The following PPP1R15B variants were observed in gnomAD, a reference collection of about 807,000 sequenced individuals.
The protein encoded by PPP1R15B is protein phosphatase 1 regulatory subunit 15B.
Under a neutral mutation model 53.9 loss-of-function variants are expected in PPP1R15B, and 31 were observed. That is an observed-to-expected ratio of 0.58 (90% CI 0.43 to 0.78). The LOEUF (loss-of-function observed/expected upper bound fraction) is 0.78. Ranked by LOEUF, PPP1R15B falls within the 30% of genes least tolerant of loss-of-function variation. The pLI, the probability that PPP1R15B is intolerant of heterozygous loss-of-function variation, is 0.00. For synonymous variants in PPP1R15B, 345 were observed against 329.1 expected (o/e 1.05, Z -0.52); for missense variants, 928 against 849.6 (o/e 1.09, Z -1.15).
In PPP1R15B at chr1:204,411,083, TTCAGGGCTC is replaced by T. The variant is rs747873006; in HGVS notation, c.320_328del (p.Arg107_Leu109del). 19 of 1,614,180 alleles carry T rather than the reference TTCAGGGCTC, an allele frequency of 1.2e-5. No individual in the cohort carries two copies. The South Asian group carries it at 2.1e-4, about 18-fold the overall frequency. On this transcript the variant is annotated inframe_deletion, in exon 1 of 2. Coordinates refer to ENST00000367188, the MANE Select transcript of PPP1R15B (RefSeq NM_032833.5). ...GGGGGCGGCTGGTTTCTCCCGTCCCTTCAGGGCTCTCAGGGCGCTGTAGACTCCAGCAAA... is the reference window on the plus strand; with the variant it reads ...GGGGGCGGCTGGTTTCTCCCGTCCCTTCAGGGCGCTGTAGACTCCAGCAAA...
At position 204,405,952 on chromosome 1, in the gene PPP1R15B, A is replaced by C; in HGVS notation, c.*140T>G. ...AATGTTTCTGAGTGGGATATGTTGCAAAAAAAAAAATTAAACTAGATCCAA... is the reference window on the plus strand; with the variant it reads ...AATGTTTCTGAGTGGGATATGTTGCCAAAAAAAAAATTAAACTAGATCCAA... On this transcript the variant is annotated 3_prime_UTR_variant, in exon 2 of 2. Coordinates refer to ENST00000367188, the MANE Select transcript of PPP1R15B (RefSeq NM_032833.5). The C allele has an allele frequency of 2.1e-6, 2 of 972,524 alleles. No individual in the cohort carries two copies. Among genetic ancestry groups the C allele is most frequent in the Admixed American group, 3.9e-5 (1 of 25,448 alleles). 60.2% of individuals were successfully genotyped at this position (972,524 alleles called of 1,614,324 possible).
intron 1 of PPP1R15B, among the ~76,000 whole-genome samples, chr1:204,406,534 G>C (rs1436919814): frequency 6.6e-6 from 1 of 152,142 alleles, no homozygotes; most frequent in Non-Finnish European, 1.5e-5. Flanking sequence ...CGGATCACCT[G>C]AGGTCAGGAG....
Position 204,404,005 on chromosome 1 carries a change from T to C in PPP1R15B, c.*2087A>G. 2.0e-6 allele frequency: 2 copies of C among 985,396 alleles called. No individual in the cohort carries two copies. The highest frequency in any genetic ancestry group is 2.4e-6 in the Non-Finnish European group (2 of 829,908). The allele number at this position is 985,396 out of a possible 1,614,324, so 61.0% of individuals were successfully genotyped here. ...TTTCAAATACACAGAGGTGCTAGGT[T>C]TAAGAAACAGGAAACACAACGTTAA... On this transcript the variant is annotated 3_prime_UTR_variant, in exon 2 of 2. Coordinates refer to ENST00000367188, the MANE Select transcript of PPP1R15B (RefSeq NM_032833.5).
Position 204,405,357 on chromosome 1 carries a change from G to A in PPP1R15B, c.*735C>T, listed in dbSNP as rs1048691191. The A allele has an allele frequency of 2.1e-5, 21 of 984,034 alleles. No homozygotes were observed. In the African/African-American group the frequency reaches 3.7e-4, roughly 17 times the overall value. 61.0% of individuals were successfully genotyped at this position (984,034 alleles called of 1,614,324 possible). A position where few individuals can be genotyped will look rare whatever the true frequency, so the allele number is the denominator to read the frequency against. On this transcript the variant is annotated 3_prime_UTR_variant, in exon 2 of 2. Coordinates refer to ENST00000367188, the MANE Select transcript of PPP1R15B (RefSeq NM_032833.5). The stretch of plus-strand genomic sequence containing the variant: ...TAACGTACACAGAACCCTCTTCAAA[G>A]AAATTAAATATATTAGATGTTAAAA...
intron 1 of PPP1R15B, among the ~76,000 whole-genome samples, chr1:204,407,122 T>C (rs1012254475): frequency 6.6e-6 from 1 of 152,250 alleles, no homozygotes; most frequent in African/African-American, 2.4e-5. Flanking sequence ...GCTTTAACAA[T>C]ATTTTTGCTT....
intron 1 of PPP1R15B, among the ~76,000 whole-genome samples, chr1:204,407,866 T>C (rs1674293111): frequency 6.6e-6 from 1 of 152,178 alleles, no homozygotes; most frequent in Admixed American, 6.5e-5. Context: ...TCCCCATATA[T>C]ACCAATGGCA....
intron 1 of PPP1R15B, among the ~76,000 whole-genome samples, chr1:204,408,990 C>G (rs973689926): frequency 1.3e-5 from 2 of 152,176 alleles, no homozygotes; most frequent in Non-Finnish European, 2.9e-5. Context: ...ATAAATCTGA[C>G]TTGCTACTTG....
rs758181086 is a variant in PPP1R15B, at chr1:204,409,854, G to C, written c.1558C>G (p.Leu520Val). 13 of 1,614,000 alleles carry C rather than the reference G, an allele frequency of 8.1e-6. No individual in the cohort carries two copies. The highest frequency in any genetic ancestry group is 6.7e-5 in the Admixed American group (4 of 59,998). The change falls in exon 1 of 2, where the codon CTA becomes GTA. Residue 520 changes from leucine to valine, a missense_variant. By Grantham distance (32) the Leu-to-Val change is conservative. Transcript: ENST00000367188. The part of the protein sequence containing the change: ...SEKDLSGKSD[L>V]ENSSQSGSLP... Reference sequence around the variant, plus strand: ...CTTCCAGACTGGGAGGAATTCTCTAGATCAGACTTGCCAGACAAATCCTTC... The same window carrying C: ...CTTCCAGACTGGGAGGAATTCTCTACATCAGACTTGCCAGACAAATCCTTC...
chr1:204,405,913 T>C lies in PPP1R15B; in HGVS notation c.*179A>G. ...CTAGTTCATCCTTCATTATCAGGGC[T>C]GGCTTCAAACCTGAATGTTTCTGAG... On this transcript the variant is annotated 3_prime_UTR_variant, in exon 2 of 2. Coordinates refer to ENST00000367188, the MANE Select transcript of PPP1R15B (RefSeq NM_032833.5). The C allele has an allele frequency of 3.6e-6, 5 of 1,400,734 alleles. No homozygotes were observed. The highest frequency in any genetic ancestry group is 4.6e-6 in the Non-Finnish European group (5 of 1,079,924). The allele number at this position is 1,400,734 out of a possible 1,614,324, so 86.8% of individuals were successfully genotyped here.
At position 204,405,942 on chromosome 1, in the gene PPP1R15B, G is replaced by A; in HGVS notation, c.*150C>T. 7.0e-7 allele frequency: 1 copy of A among 1,427,442 alleles called. No individual in the cohort carries two copies. Among genetic ancestry groups the A allele is most frequent in the East Asian group, 2.5e-5 (1 of 39,558 alleles). The allele number at this position is 1,427,442 out of a possible 1,614,324, so 88.4% of individuals were successfully genotyped here. ...TTCAAACCTGAATGTTTCTGAGTGGGATATGTTGCAAAAAAAAAAATTAAA... is the reference window on the plus strand; with the variant it reads ...TTCAAACCTGAATGTTTCTGAGTGGAATATGTTGCAAAAAAAAAAATTAAA... On this transcript the variant is annotated 3_prime_UTR_variant, in exon 2 of 2. Coordinates refer to ENST00000367188, the MANE Select transcript of PPP1R15B (RefSeq NM_032833.5).
Position 204,403,729 on chromosome 1 carries a change from TTTTCTC to T in PPP1R15B, c.*2357_*2362del, listed in dbSNP as rs890581864. On this transcript the variant is annotated 3_prime_UTR_variant, in exon 2 of 2. Transcript: ENST00000367188. The stretch of plus-strand genomic sequence containing the variant: ...AATGTTTAATTAAAACCTCCAAAGA[TTTTCTC>T]TTTAAGATTACGGGGGTTTAACTTT... 3.8e-5 allele frequency: 37 copies of T among 985,198 alleles called. No homozygotes were observed. Among genetic ancestry groups the T allele is most frequent in the Non-Finnish European group, 4.1e-5 (34 of 829,444 alleles). The allele number at this position is 985,198 out of a possible 1,614,324, so 61.0% of individuals were successfully genotyped here. A position where few individuals can be genotyped will look rare whatever the true frequency, so the allele number is the denominator to read the frequency against.
downstream of PPP1R15B, chr1:204,400,636 T>G (rs1334916555): frequency 1.9e-6 from 1 of 521,508 alleles, no homozygotes; most frequent in Non-Finnish European, 2.5e-6. Flanking sequence ...AATCCAATCT[T>G]AAGTATAAAT....
rs763672379 is a variant in PPP1R15B, at chr1:204,410,669, A to G, written c.743T>C (p.Val248Ala). ...YQNSDGNSEV[V>A]GFQTLTPESS... ...CTCTGGGGTTAGTGTCTGGAAGCCG[A>G]CTACCTCGCTATTTCCATCACTGTT... The change falls in exon 1 of 2, where the codon GTC becomes GCC. Residue 248 changes from valine to alanine, a missense_variant. By Grantham distance (64) the Val-to-Ala change is moderately conservative. Coordinates refer to ENST00000367188, the MANE Select transcript of PPP1R15B (RefSeq NM_032833.5). 1 of 1,614,018 alleles carries G rather than the reference A, an allele frequency of 6.2e-7. No homozygotes were observed.
In PPP1R15B at chr1:204,404,894, T is replaced by C; in HGVS notation, c.*1198A>G. ...GCAAAGACTTCAATTCAAAGTAACC[T>C]TTGGGCTAAATATATTAAAACTTTC... is the stretch of plus-strand genomic sequence containing the variant. On this transcript the variant is annotated 3_prime_UTR_variant, in exon 2 of 2. Coordinates refer to ENST00000367188, the MANE Select transcript of PPP1R15B (RefSeq NM_032833.5). 4 of 985,794 alleles carry C rather than the reference T, an allele frequency of 4.1e-6. No homozygotes were observed. The highest frequency in any genetic ancestry group is 4.8e-6 in the Non-Finnish European group (4 of 829,904). 61.1% of individuals were successfully genotyped at this position (985,794 alleles called of 1,614,324 possible).
In PPP1R15B at chr1:204,403,457, C is replaced by A; in HGVS notation, c.*2635G>T. On this transcript the variant is annotated 3_prime_UTR_variant, in exon 2 of 2. Coordinates refer to ENST00000367188, the MANE Select transcript of PPP1R15B (RefSeq NM_032833.5). ...GTTATATACACAAATATAATTTTAA[C>A]TATAAAATCCCAACTAGTTACATTT... The A allele has an allele frequency of 2.4e-6, 2 of 819,466 alleles. No homozygotes were observed. The highest frequency in any genetic ancestry group is 2.9e-6 in the Non-Finnish European group (2 of 678,662). 50.8% of individuals were successfully genotyped at this position (819,466 alleles called of 1,614,324 possible). A position where few individuals can be genotyped will look rare whatever the true frequency, so the allele number is the denominator to read the frequency against.
In PPP1R15B at chr1:204,411,348, G is replaced by A. The variant is rs1291833946; in HGVS notation, c.64C>T (p.Pro22Ser). 2 of 1,613,832 alleles carry A rather than the reference G, an allele frequency of 1.2e-6. No homozygotes were observed. Among genetic ancestry groups the A allele is most frequent in the Non-Finnish European group, 8.5e-7 (1 of 1,180,046 alleles). ...LGPRAGFRFWPPFFPRRSQAG... is the reference protein window; with the variant it reads ...LGPRAGFRFWSPFFPRRSQAG... The stretch of plus-strand genomic sequence containing the variant: ...TGCGATCGCCGAGGGAAAAAGGGTG[G>A]CCAGAACCGGAAGCCCGCCCGAGGG... The change falls in exon 1 of 2, where the codon CCA becomes TCA. Residue 22 changes from proline (P) to serine (S), a missense_variant. Physicochemically the swap from Pro to Ser is moderately conservative, Grantham distance 74. Transcript: ENST00000367188.
In PPP1R15B at chr1:204,404,587, A is replaced by G; in HGVS notation, c.*1505T>C. 1.0e-6 allele frequency: 1 copy of G among 984,446 alleles called. No individual in the cohort carries two copies. Among genetic ancestry groups the G allele is most frequent in the Non-Finnish European group, 1.2e-6 (1 of 828,626 alleles). 61.0% of individuals were successfully genotyped at this position (984,446 alleles called of 1,614,324 possible). ...TCTCAATGTGTTTAATTATGAATAT[A>G]TAAACAGTGGAGGCAGTTCTTAGAA... On this transcript the variant is annotated 3_prime_UTR_variant, in exon 2 of 2. Coordinates refer to ENST00000367188, the MANE Select transcript of PPP1R15B (RefSeq NM_032833.5).
Position 204,404,549 on chromosome 1 carries a change from T to G in PPP1R15B, c.*1543A>C. 2 of 985,766 alleles carry G rather than the reference T, an allele frequency of 2.0e-6. No homozygotes were observed. Among genetic ancestry groups the G allele is most frequent in the Non-Finnish European group, 2.4e-6 (2 of 829,886 alleles). 61.1% of individuals were successfully genotyped at this position (985,766 alleles called of 1,614,324 possible). A position where few individuals can be genotyped will look rare whatever the true frequency, so the allele number is the denominator to read the frequency against. On this transcript the variant is annotated 3_prime_UTR_variant, in exon 2 of 2. Transcript: ENST00000367188. ...GCTCTGCAAAAATTTGACCAGCTTT[T>G]ATAGTGTTGCATTCTCAATGTGTTT...
chr1:204,397,249 G>GC (rs1674110373), downstream of PPP1R15B, among the ~76,000 whole-genome samples: 1 of 151,772 alleles, frequency 6.6e-6, no homozygotes, highest in Non-Finnish European at 1.5e-5. Flanking sequence ...AAAAGCCCAG[G>GC]CGTGATGGCT....
Sources: allele counts gnomAD v4.1 joint callset (sites outside exome capture counted in the v4.1 genomes callset), GRCh38; gene constraint gnomAD v4.1.1; transcripts MANE v1.5; gene names NCBI Gene and HGNC (gene_info 2026-07-23, HGNC 2026-07-21).